Variants in IQCM observed in about 807,000 individuals in gnomAD.
The protein encoded by IQCM is IQ domain-containing protein M.
Under a neutral mutation model 57.6 loss-of-function variants are expected in IQCM, and 45 were observed. That is an observed-to-expected ratio of 0.78 (90% CI 0.62 to 1.00). The LOEUF is 1.00. IQCM is among the 50% of genes least tolerant of loss of function. The pLI is 0.00. For missense variants in IQCM, 468 were observed against 511.6 expected (o/e 0.91, Z 0.82); for synonymous variants, 148 against 158.9 (o/e 0.93, Z 0.51).
At chr4:149,685,369 A>G (rs1219796792) in intron 6 of IQCM, among the ~76,000 whole-genome samples, 1 of 151,546 alleles carries the variant, frequency 6.6e-6, no homozygotes, top group Non-Finnish European at 1.5e-5. Flanking sequence ...GAAATTTATA[A>G]AAACTAGTAA....
At chr4:149,757,587 T>C (rs1370325412) in intron 2 of IQCM, among the ~76,000 whole-genome samples, 1 of 152,118 alleles carries the variant, frequency 6.6e-6, no homozygotes. Flanking sequence ...TAGGGATAAA[T>C]AGGTATGCCA....
chr4:149,544,767 C>T (rs543443491), intron 12 of IQCM, among the ~76,000 whole-genome samples: 2 of 152,156 alleles, frequency 1.3e-5, no homozygotes, highest in African/African-American at 4.8e-5. Context: ...TAATTTGTGG[C>T]AAGGGTGACA....
At chr4:149,464,242 G>A (rs1431162906) in intron 12 of IQCM, among the ~76,000 whole-genome samples, 1 of 152,106 alleles carries the variant, frequency 6.6e-6, no homozygotes, top group Non-Finnish European at 1.5e-5. Context: ...TGGGGAAGCT[G>A]GATTACTCTT....
Position 149,441,237 on chromosome 4 carries a change from T to C in IQCM, c.1229-7680A>G, listed in dbSNP as rs62338911. Among the ~76,000 whole-genome samples the C allele has an allele frequency of 8.5e-3, 1,295 of 152,282 alleles. 7 individuals are homozygous for C. The highest frequency in any genetic ancestry group is 0.015 in the Non-Finnish European group (999 of 68,004). ...TAACACCTAAATAAAAGAGACTGTC[T>C]AGAGTTGACACATCTAAATTTGGCA... On this transcript the variant is annotated intron_variant, in intron 12 of 13. Coordinates refer to ENST00000636793, the MANE Select transcript of IQCM (RefSeq NM_001363507.2).
At chr4:149,679,442 T>C (rs868198305) in intron 7 of IQCM, among the ~76,000 whole-genome samples, 1 of 151,504 alleles carries the variant, frequency 6.6e-6, no homozygotes. Context: ...TAAGACCTAG[T>C]GTTAGATAGA....
chr4:149,444,400 G>A (rs1189337665), intron 12 of IQCM, among the ~76,000 whole-genome samples: 1 of 151,854 alleles, frequency 6.6e-6, no homozygotes, highest in Non-Finnish European at 1.5e-5. Flanking sequence ...TAACATTGGA[G>A]ATATAGTAAA....
intron 7 of IQCM, among the ~76,000 whole-genome samples, chr4:149,656,672 C>T (rs1425755672): frequency 1.3e-5 from 2 of 152,080 alleles, no homozygotes; most frequent in African/African-American, 4.8e-5. Flanking sequence ...CCGGGAAAAA[C>T]AACATGGCCT....
chr4:149,621,317 G>A, intron 7 of IQCM, 73 bp from the exon 8 acceptor site: 3 of 588,234 alleles, frequency 5.1e-6, no homozygotes, highest in Non-Finnish European at 5.0e-6. Flanking sequence ...ATTGCTTAAT[G>A]TTGCAAAGAG....
intron 7 of IQCM, among the ~76,000 whole-genome samples, chr4:149,649,999 G>T (rs1189246124): frequency 2.6e-5 from 4 of 152,208 alleles, no homozygotes; most frequent in African/African-American, 9.6e-5. Context: ...AATAAACTAT[G>T]AATGAGTTAA....
At chr4:149,622,596 C>T (rs1247068677) in intron 7 of IQCM, among the ~76,000 whole-genome samples, 1 of 151,956 alleles carries the variant, frequency 6.6e-6, no homozygotes, top group Non-Finnish European at 1.5e-5. Context: ...AAGCAAAGGC[C>T]AATAACGAGT....
chr4:149,611,214 G>A lies in IQCM; in HGVS notation c.681+9915C>T, dbSNP rs1460815904. ...TAAAAAAAATGGAATAATGGATGCT[G>A]GTGAGAATGCAGAGAAATGAAAAAT... On this transcript the variant is annotated intron_variant, in intron 8 of 13. Coordinates refer to ENST00000636793, the MANE Select transcript of IQCM (RefSeq NM_001363507.2). 2.0e-5 allele frequency among the ~76,000 whole-genome samples: 3 copies of A among 151,910 alleles called. No individual in the cohort carries two copies. In the East Asian group the frequency reaches 5.8e-4, roughly 29 times the overall value.
At chr4:149,725,065 T>C (rs1765771948) in intron 5 of IQCM, among the ~76,000 whole-genome samples, 1 of 152,116 alleles carries the variant, frequency 6.6e-6, no homozygotes, top group Non-Finnish European at 1.5e-5. Context: ...ATCAAAACTA[T>C]GGGCATGTAT....
intron 9 of IQCM, among the ~76,000 whole-genome samples, chr4:149,587,386 C>T (rs1043888762): frequency 5.3e-5 from 8 of 151,760 alleles, no homozygotes; most frequent in East Asian, 2.0e-4. Flanking sequence ...CTGCCCTTTT[C>T]GAAACTTCAT....
At chr4:149,754,797 C>T (rs1326755861) in intron 2 of IQCM, among the ~76,000 whole-genome samples, 1 of 152,178 alleles carries the variant, frequency 6.6e-6, no homozygotes, top group Non-Finnish European at 1.5e-5. Context: ...AGTCCTGGCT[C>T]ATGGCTTTCA....
At chr4:149,746,875 A>G (rs953553) in intron 2 of IQCM, among the ~76,000 whole-genome samples, 7,631 of 152,210 alleles carry the variant, frequency 0.05, 252 homozygotes, top group South Asian at 0.13. Context: ...TGCGCTCTGT[A>G]ACTCTGGAGA....
In IQCM at chr4:149,473,122, T is replaced by C. The variant is rs377181703; in HGVS notation, c.1229-39565A>G. Among the ~76,000 whole-genome samples, 137 of 152,246 alleles carry C rather than the reference T, an allele frequency of 9.0e-4. No homozygotes were observed. In the Middle Eastern group the frequency reaches 0.01, roughly 11 times the overall value. On this transcript the variant is annotated intron_variant, in intron 12 of 13. Transcript: ENST00000636793. The stretch of plus-strand genomic sequence containing the variant: ...GGCAACAAAAGCCAAAATTGACAAA[T>C]GGGAGCTAATTAAACTCAAGAGCTT...
intron 8 of IQCM, among the ~76,000 whole-genome samples, chr4:149,598,809 T>C (rs1040812925): frequency 1.3e-5 from 2 of 152,204 alleles, no homozygotes; most frequent in African/African-American, 4.8e-5. Context: ...GAAAGCTGTT[T>C]GCTATTGCCT....
chr4:149,459,820 C>A (rs75685980), intron 12 of IQCM, among the ~76,000 whole-genome samples: 4,879 of 152,246 alleles, frequency 0.032, 282 homozygotes, highest in African/African-American at 0.11. Flanking sequence ...CCACATTTTG[C>A]TTATCCATTT....
chr4:149,511,370 A>G (rs1394438946), intron 12 of IQCM, among the ~76,000 whole-genome samples: 1 of 151,746 alleles, frequency 6.6e-6, no homozygotes, highest in Non-Finnish European at 1.5e-5. Flanking sequence ...AATACAAAAA[A>G]AAAAACAATT....
Sources: allele counts gnomAD v4.1 joint callset (sites outside exome capture counted in the v4.1 genomes callset), GRCh38; gene constraint gnomAD v4.1.1; transcripts MANE v1.5; gene names NCBI Gene and HGNC (gene_info 2026-07-23, HGNC 2026-07-21).